The following COL9A1 variants were observed in gnomAD, a reference collection of about 807,000 sequenced individuals.
COL9A1 encodes collagen alpha-1(IX) chain.
Under a neutral mutation model 142.6 loss-of-function variants are expected in COL9A1, and 104 were observed. That is an observed-to-expected ratio of 0.73 (90% CI 0.62 to 0.86). The LOEUF is 0.86. COL9A1 is among the 40% of genes least tolerant of loss of function. The probability of loss-of-function intolerance (pLI) is 0.00; values close to 1 mark genes in which losing one functional copy is unlikely to be tolerated. For synonymous variants in COL9A1, 466 were observed against 396.0 expected (o/e 1.18, Z -2.10); for missense variants, 1,210 against 1,176.6 (o/e 1.03, Z -0.42).
At chr6:70,258,670 CTT>C (rs529496144) in intron 20 of COL9A1, 54 of 152,324 alleles carry the variant, frequency 3.5e-4, no homozygotes, top group East Asian at 2.3e-3. Context: ...CTCTCTCTCT[CTT>C]ATTGCTGTTC....
intron 10 of COL9A1, chr6:70,279,664 A>AAAAAAAAAAC (rs1363840592): frequency 5.8e-6 from 1 of 173,522 alleles, no homozygotes; most frequent in Non-Finnish European, 1.2e-5. Context: ...AAAAAAAAAA[A>AAAAAAAAAAC]AAAAAACACA....
chr6:70,267,489 A>T (rs1772103519), intron 17 of COL9A1, among the ~76,000 whole-genome samples: 1 of 151,706 alleles, frequency 6.6e-6, no homozygotes, highest in Admixed American at 6.6e-5. Context: ...TGCCCGGCTA[A>T]TTTTGTATTT....
rs374024893 is a variant in COL9A1 at position 70,272,820 on chromosome 6, A to G, written c.1066-732T>C. On this transcript the variant is annotated intron_variant, in intron 12 of 37. Coordinates refer to ENST00000357250, the MANE Select transcript of COL9A1 (RefSeq NM_001851.6). ...CAACTCCTAGCACGGGGCCTAGCAT[A>G]TAACAAAACCTAATAATATGCTCGT... Among the ~76,000 whole-genome samples, 34 of 152,272 alleles carry G rather than the reference A, an allele frequency of 2.2e-4. No homozygotes were observed. In the East Asian group the frequency reaches 2.7e-3, roughly 12 times the overall value.
chr6:70,272,038 A>G, intron 13 of COL9A1, 27 bp downstream of exon 13: 3 of 1,606,248 alleles, frequency 1.9e-6, no homozygotes, highest in Non-Finnish European at 2.6e-6. Context: ...TAGACTGCAT[A>G]AAAATAAATG....
Position 70,242,683 on chromosome 6 carries a change from G to T in COL9A1, c.1905C>A (p.Ser635=). ...TTACCAGTTTACCTGGTAGGCCTGG[G>T]GATCCCACTGGTCCTAATTCTCCTC... is the stretch of plus-strand genomic sequence containing the variant. ...GSRGELGPVG[S]PGLPGKLGSL... Residue 635 remains serine (S), a synonymous_variant, in exon 29 of 38, where the codon TCC becomes TCA. Coordinates refer to ENST00000357250, the MANE Select transcript of COL9A1 (RefSeq NM_001851.6). The T allele has an allele frequency of 6.2e-7, 1 of 1,614,066 alleles. No homozygotes were observed. Among genetic ancestry groups the T allele is most frequent in the Non-Finnish European group, 8.5e-7 (1 of 1,179,970 alleles).
chr6:70,219,567 A>T (rs1210034520), intron 37 of COL9A1, among the ~76,000 whole-genome samples: 3 of 152,246 alleles, frequency 2.0e-5, no homozygotes, highest in Non-Finnish European at 4.4e-5. Context: ...TTTTTACCAG[A>T]TGAAAACGTA....
intron 35 of COL9A1, among the ~76,000 whole-genome samples, chr6:70,233,781 A>C (rs1048483942): frequency 6.6e-6 from 1 of 152,228 alleles, no homozygotes; most frequent in Non-Finnish European, 1.5e-5. Flanking sequence ...AAACTTCTCA[A>C]GTCTCCTAGA....
intron 28 of COL9A1, among the ~76,000 whole-genome samples, chr6:70,247,492 T>A (rs143528063): frequency 6.6e-6 from 1 of 152,360 alleles, no homozygotes; most frequent in Non-Finnish European, 1.5e-5. Flanking sequence ...AAACGAACAC[T>A]ATCCTCAGTA....
chr6:70,257,353 C>A (rs1271789961), intron 20 of COL9A1, among the ~76,000 whole-genome samples: 1 of 152,120 alleles, frequency 6.6e-6, no homozygotes, highest in Non-Finnish European at 1.5e-5. Flanking sequence ...GCCACTGCAC[C>A]CAGCCCAGTC....
chr6:70,291,280 A>G (rs1773649791), intron 5 of COL9A1, among the ~76,000 whole-genome samples: 2 of 152,148 alleles, frequency 1.3e-5, no homozygotes, highest in Non-Finnish European at 2.9e-5. Flanking sequence ...CCCATCTGGG[A>G]ATTTCCAAAT....
Position 70,268,880 on chromosome 6 carries a change from C to T in COL9A1, c.1231-20G>A. 6.2e-7 allele frequency: 1 copy of T among 1,612,896 alleles called. No individual in the cohort carries two copies. The highest frequency in any genetic ancestry group is 8.5e-7 in the Non-Finnish European group (1 of 1,179,200). The stretch of plus-strand genomic sequence containing the variant: ...GGGACACTGCCAGGGAGAGAGGGAA[C>T]AAAGAGAAAGAAAGACAGACAGAGT... On this transcript the variant is annotated intron_variant, in intron 16 of 37. Coordinates refer to ENST00000357250, the MANE Select transcript of COL9A1 (RefSeq NM_001851.6).
chr6:70,240,589 A>ATT (rs1770186572), intron 32 of COL9A1, 100 bp downstream of exon 32: 1 of 657,858 alleles, frequency 1.5e-6, no homozygotes, highest in East Asian at 2.9e-5. Flanking sequence ...ATATATATAT[A>ATT]TATATACCAA....
At chr6:70,247,973 C>T (rs1770705354) in intron 28 of COL9A1, among the ~76,000 whole-genome samples, 1 of 152,118 alleles carries the variant, frequency 6.6e-6, no homozygotes, top group African/African-American at 2.4e-5. Flanking sequence ...TGGTAAAGGA[C>T]TACGAGAGAA....
rs60079505 is a variant in COL9A1, at chr6:70,244,823, A to T, written c.1873-2108T>A. ...ACTCTTATTTTCTCTGTCTTTTCTA[A>T]GTTCTTATTACAGTTTATAAGTGCT... On this transcript the variant is annotated intron_variant, in intron 28 of 37. Coordinates refer to ENST00000357250, the MANE Select transcript of COL9A1 (RefSeq NM_001851.6). Among the ~76,000 whole-genome samples, 49 of 152,250 alleles carry T rather than the reference A, an allele frequency of 3.2e-4. No homozygotes were observed. In the East Asian group the frequency reaches 7.7e-3, roughly 24 times the overall value.
intron 5 of COL9A1, among the ~76,000 whole-genome samples, chr6:70,293,649 A>G (rs1319099709): frequency 6.6e-6 from 1 of 151,120 alleles, no homozygotes; most frequent in Non-Finnish European, 1.5e-5. Context: ...ACACACACAC[A>G]CACACACACA....
At position 70,294,265 on chromosome 6, in the gene COL9A1, T is replaced by C; in HGVS notation, c.598A>G (p.Arg200Gly). 1.2e-6 allele frequency: 2 copies of C among 1,614,120 alleles called. No homozygotes were observed. Among genetic ancestry groups the C allele is most frequent in the Non-Finnish European group, 1.7e-6 (2 of 1,179,966 alleles). Residue 200 changes from arginine (R) to glycine (G), a missense_variant, in exon 5 of 38, where the codon AGG (arginine) becomes GGG (glycine). Transcript: ENST00000357250. ...SSATLFVDCN[R>G]IESLPIKPRG... ...GGCTTTATAGGTAAAGATTCAATCC[T>C]GTTGCAGTCAACAAAAAGAGTAGCA...
At chr6:70,264,396 A>G (rs748008755) in intron 18 of COL9A1, among the ~76,000 whole-genome samples, 25 of 152,110 alleles carry the variant, frequency 1.6e-4, no homozygotes, top group Non-Finnish European at 3.2e-4. Context: ...AGTCATACAT[A>G]TTGGTTTTAG....
At chr6:70,291,893 A>G (rs1245995372) in intron 5 of COL9A1, among the ~76,000 whole-genome samples, 2 of 152,174 alleles carry the variant, frequency 1.3e-5, no homozygotes, top group East Asian at 3.8e-4. Context: ...GATCTGTATG[A>G]GTTCACTTCC....
At chr6:70,281,594 C>A in intron 7 of COL9A1, 130 bp from the exon 8 acceptor site, 2 of 656,236 alleles carry the variant, frequency 3.0e-6, no homozygotes, top group South Asian at 4.0e-5. Context: ...TTTTGCAACC[C>A]AACGCAAAAA....
Sources: allele counts gnomAD v4.1 joint callset (sites outside exome capture counted in the v4.1 genomes callset), GRCh38; gene constraint gnomAD v4.1.1; transcripts MANE v1.5; gene names NCBI Gene and HGNC (gene_info 2026-07-23, HGNC 2026-07-21).